The following MSTO1 variants were observed in gnomAD, a reference collection of about 807,000 sequenced individuals.
The protein encoded by MSTO1 is misato mitochondrial distribution and morphology regulator 1.
A neutral mutation model predicts 55.7 loss-of-function variants in MSTO1; 24 were observed. The observed-to-expected ratio is 0.43, with a 90% confidence interval of 0.31 to 0.61. The LOEUF is 0.61. MSTO1 is among the 20% of genes least tolerant of loss of function. The pLI is 0.09. For synonymous variants in MSTO1, 162 were observed against 252.8 expected (o/e 0.64, Z 3.41); for missense variants, 363 against 625.7 (o/e 0.58, Z 4.48).
the MSTO1 span, among the ~76,000 whole-genome samples, chr1:155,597,298 G>A: frequency 1.3e-5 from 2 of 151,446 alleles, no homozygotes; most frequent in South Asian, 2.1e-4. Context: ...GTAAAACCCC[G>A]TCTCTATTAA....
At chr1:155,564,288 G>A in the MSTO1 span, among the ~76,000 whole-genome samples, 1 of 152,220 alleles carries the variant, frequency 6.6e-6, no homozygotes, top group Non-Finnish European at 1.5e-5. Context: ...GAGGTCAGGA[G>A]TTCGAGACCA....
At chr1:155,613,307 G>A (rs1571258412) in intron 11 of MSTO1, 74 bp downstream of exon 11, 2 of 1,581,146 alleles carry the variant, frequency 1.3e-6, no homozygotes, top group Non-Finnish European at 1.7e-6. Context: ...TTTCTCTGGG[G>A]CATTCTAATG....
chr1:155,586,635 C>CT, the MSTO1 span: 15,837 of 386,604 alleles, frequency 0.041, no homozygotes, highest in South Asian at 0.069. Context: ...TTACCTTTCA[C>CT]TTTTTTTTTT....
the MSTO1 span, among the ~76,000 whole-genome samples, chr1:155,569,769 G>T: frequency 4.3e-4 from 65 of 151,408 alleles, no homozygotes; most frequent in Non-Finnish European, 3.1e-4. Context: ...GTTTTTTTAG[G>T]TTTTTTTTAC....
chr1:155,578,026 G>A, the MSTO1 span, among the ~76,000 whole-genome samples: 1 of 152,144 alleles, frequency 6.6e-6, no homozygotes, highest in Non-Finnish European at 1.5e-5. Flanking sequence ...TTATAGGCAT[G>A]AGCCACCGCA....
chr1:155,598,721 C>G, the MSTO1 span: 1 of 534,570 alleles, frequency 1.9e-6, no homozygotes, highest in Non-Finnish European at 3.3e-6. Context: ...GACCCAGTCT[C>G]AAACAGCAAG....
chr1:155,586,128 C>G, the MSTO1 span, among the ~76,000 whole-genome samples: 20 of 151,266 alleles, frequency 1.3e-4, no homozygotes, highest in African/African-American at 3.4e-4. Flanking sequence ...ATAATTTGTA[C>G]TCTGCTAATA....
the MSTO1 span, among the ~76,000 whole-genome samples, chr1:155,595,173 G>C: frequency 3.1e-4 from 40 of 130,422 alleles, no homozygotes; most frequent in African/African-American, 6.1e-4. Context: ...CTTCAGGTTT[G>C]TTGTTTTTTT....
At chr1:155,598,888 G>A in the MSTO1 span, 17 of 1,457,890 alleles carry the variant, frequency 1.2e-5, no homozygotes, top group Non-Finnish European at 1.2e-5. Flanking sequence ...TGCAAAACAG[G>A]ACTGGCTGAT....
At chr1:155,572,395 A>G in the MSTO1 span, among the ~76,000 whole-genome samples, 1 of 152,244 alleles carries the variant, frequency 6.6e-6, no homozygotes, top group East Asian at 1.9e-4. Flanking sequence ...GAAAGTCATG[A>G]CAGACAAATA....
the MSTO1 span, chr1:155,591,292 G>A: frequency 4.6e-6 from 7 of 1,510,484 alleles, no homozygotes; most frequent in Admixed American, 3.9e-5. Context: ...CACTGCGAAG[G>A]AGATATGCGA....
At chr1:155,568,748 T>G in the MSTO1 span, among the ~76,000 whole-genome samples, 2 of 152,154 alleles carry the variant, frequency 1.3e-5, no homozygotes, top group Non-Finnish European at 2.9e-5. Context: ...AGTTTTTTTG[T>G]TTTGTTTTGT....
intron 8 of MSTO1, 24 bp from the exon 9 acceptor site, chr1:155,612,394 T>C (rs1484131751): frequency 6.2e-7 from 1 of 1,601,992 alleles, no homozygotes; most frequent in East Asian, 2.2e-5. Context: ...AGCTGCTTAA[T>C]ACAAACTACT....
At chr1:155,595,491 CT>C in the MSTO1 span, among the ~76,000 whole-genome samples, 8,529 of 119,500 alleles carry the variant, frequency 0.071, 287 homozygotes, top group African/African-American at 0.11. Flanking sequence ...ATTTCTTTTT[CT>C]TTTTTTTTTT....
the MSTO1 span, among the ~76,000 whole-genome samples, chr1:155,588,573 C>T: frequency 9.0e-3 from 1,376 of 152,230 alleles, 5 homozygotes; most frequent in Non-Finnish European, 0.014. Context: ...TTGCAAAGCC[C>T]GCACGAGATG....
chr1:155,599,577 C>T, the MSTO1 span, among the ~76,000 whole-genome samples: 4 of 152,014 alleles, frequency 2.6e-5, no homozygotes, highest in African/African-American at 4.8e-5. Context: ...GGGTGTTTCT[C>T]GTAAGGTGGA....
chr1:155,597,116 A>G, the MSTO1 span, among the ~76,000 whole-genome samples: 1 of 152,072 alleles, frequency 6.6e-6, no homozygotes, highest in African/African-American at 2.4e-5. Flanking sequence ...CAAAAATACA[A>G]AAGACAAAGA....
At chr1:155,581,457 T>C in the MSTO1 span, among the ~76,000 whole-genome samples, 1 of 152,044 alleles carries the variant, frequency 6.6e-6, no homozygotes, top group Admixed American at 6.6e-5. Context: ...CAGGCTGGAG[T>C]GCGGTGGTGT....
chr1:155,594,953 A>G, the MSTO1 span, among the ~76,000 whole-genome samples: 2 of 152,102 alleles, frequency 1.3e-5, no homozygotes, highest in African/African-American at 2.4e-5. Flanking sequence ...CCTGGCCAAC[A>G]TGGCGAAACC....
Sources: gnomAD v4.1 joint callset for allele counts (sites outside exome capture counted in the v4.1 genomes callset) on GRCh38, gnomAD v4.1.1 for gene constraint, MANE v1.5 for transcripts, NCBI Gene and HGNC (gene_info 2026-07-23, HGNC 2026-07-21) for gene names.